CADM3: variants seen among roughly 807,000 people sequenced by gnomAD.
CADM3 encodes the protein TSLC1-like 1.
A neutral mutation model predicts 44.9 loss-of-function variants in CADM3; 11 were observed. The observed-to-expected ratio is 0.25, with a 90% confidence interval of 0.15 to 0.41. The LOEUF is 0.41. Among genes scored for constraint, CADM3 ranks in the 10% least tolerant of loss-of-function variants. The pLI is 1.00. For missense variants in CADM3, 426 were observed against 512.0 expected (o/e 0.83, Z 1.62); for synonymous variants, 207 against 205.2 (o/e 1.01, Z -0.08).
At chr1:159,193,782 A>C in intron 4 of CADM3, 88 bp from the exon 5 acceptor site, 1 of 1,547,272 alleles carries the variant, frequency 6.5e-7, no homozygotes, top group East Asian at 2.3e-5. Context: ...GTACGTCTAC[A>C]ATGAGGCCCA....
At chr1:159,194,659 A>G (rs1649817931) in intron 5 of CADM3, 1 of 152,266 alleles carries the variant, frequency 6.6e-6, no homozygotes, top group Non-Finnish European at 1.5e-5. Context: ...TTTCCCTGGC[A>G]TCATTATTCC....
chr1:159,190,849 A>G (rs1384978277), intron 1 of CADM3, among the ~76,000 whole-genome samples: 1 of 152,258 alleles, frequency 6.6e-6, no homozygotes, highest in Non-Finnish European at 1.5e-5. Context: ...ATTCAGACAT[A>G]AGCAATGTTG....
intron 1 of CADM3, among the ~76,000 whole-genome samples, chr1:159,180,081 C>G (rs1330437823): frequency 6.6e-6 from 1 of 152,146 alleles, no homozygotes; most frequent in Non-Finnish European, 1.5e-5. Context: ...GACTGAGCCT[C>G]AACCCTGGAG....
chr1:159,192,493 C>A, intron 2 of CADM3, 85 bp from the exon 3 acceptor site: 3 of 1,540,590 alleles, frequency 1.9e-6, no homozygotes, highest in Non-Finnish European at 2.7e-6. Flanking sequence ...AGACCCCTTC[C>A]CCCAAAGAAG....
In CADM3 at chr1:159,201,060, A is replaced by T; in HGVS notation, c.*138A>T. Reference sequence around the variant, plus strand: ...CAGCCCACCCACCCCCCTGTACAGAATGTCTGCTTTGGGTGCGGTTTTGTA... The same window carrying T: ...CAGCCCACCCACCCCCCTGTACAGATTGTCTGCTTTGGGTGCGGTTTTGTA... On this transcript the variant is annotated 3_prime_UTR_variant, in exon 9 of 9. Coordinates refer to ENST00000368125, the MANE Select transcript of CADM3 (RefSeq NM_001127173.3). 1 of 218,878 alleles carries T rather than the reference A, an allele frequency of 4.6e-6. No homozygotes were observed. Among genetic ancestry groups the T allele is most frequent in the Non-Finnish European group, 9.1e-6 (1 of 110,320 alleles). The allele number at this position is 218,878 out of a possible 1,614,324, so 13.6% of individuals were successfully genotyped here.
chr1:159,192,511 G>A, intron 2 of CADM3, 67 bp from the exon 3 acceptor site: 2 of 1,599,642 alleles, frequency 1.3e-6, no homozygotes, highest in Non-Finnish European at 8.6e-7. Context: ...AAGCTGGCCT[G>A]GGATTGGAAG....
At chr1:159,194,250 C>T in intron 5 of CADM3, 1 of 503,386 alleles carries the variant, frequency 2.0e-6, no homozygotes, top group South Asian at 3.3e-5. Context: ...CCCATACAGC[C>T]TCTGTGTCAA....
intron 1 of CADM3, among the ~76,000 whole-genome samples, chr1:159,184,178 C>T (rs1390757481): frequency 6.6e-6 from 1 of 152,168 alleles, no homozygotes; most frequent in Non-Finnish European, 1.5e-5. Context: ...GCATGTGATC[C>T]AACTGTACAT....
At chr1:159,184,692 C>G (rs1349208437) in intron 1 of CADM3, among the ~76,000 whole-genome samples, 1 of 152,208 alleles carries the variant, frequency 6.6e-6, no homozygotes, top group Non-Finnish European at 1.5e-5. Context: ...GTTATACTGG[C>G]AGACTTTCAT....
intron 5 of CADM3, 110 bp from the exon 6 acceptor site, chr1:159,196,249 GCACTT>G: frequency 1.4e-6 from 1 of 728,042 alleles, no homozygotes; most frequent in Non-Finnish European, 2.4e-6. Flanking sequence ...GGTCTTTGTT[GCACTT>G]CTTGAGCTGC....
chr1:159,186,394 C>T (rs992677703), intron 1 of CADM3, among the ~76,000 whole-genome samples: 1 of 152,170 alleles, frequency 6.6e-6, no homozygotes, highest in Non-Finnish European at 1.5e-5. Flanking sequence ...CCTGAGCAAC[C>T]TGGGCCTTCT....
intron 1 of CADM3, among the ~76,000 whole-genome samples, chr1:159,181,430 TATC>T (rs972934426): frequency 6.6e-5 from 10 of 152,146 alleles, no homozygotes; most frequent in African/African-American, 2.2e-4. Flanking sequence ...TCAGGGCTGT[TATC>T]ATCCTGTCTT....
intron 1 of CADM3, among the ~76,000 whole-genome samples, chr1:159,187,544 G>C (rs1369764302): frequency 6.6e-6 from 1 of 152,166 alleles, no homozygotes; most frequent in African/African-American, 2.4e-5. Context: ...AAATGAATTC[G>C]TGGTTGAAAA....
chr1:159,192,862 T>G, intron 3 of CADM3, 132 bp downstream of exon 3: 1 of 847,624 alleles, frequency 1.2e-6, no homozygotes, highest in East Asian at 2.5e-5. Context: ...TGTGTTCCCC[T>G]GGCAATGGGA....
chr1:159,179,486 C>T (rs1418880149), intron 1 of CADM3, among the ~76,000 whole-genome samples: 1 of 152,188 alleles, frequency 6.6e-6, no homozygotes, highest in Non-Finnish European at 1.5e-5. Flanking sequence ...GTAATGAAGG[C>T]TGATGTCTCA....
chr1:159,189,268 T>C (rs1045568409), intron 1 of CADM3, among the ~76,000 whole-genome samples: 2 of 152,256 alleles, frequency 1.3e-5, no homozygotes, highest in East Asian at 1.9e-4. Flanking sequence ...AATGTCCTTG[T>C]ACTTATTTTA....
chr1:159,196,276 G>A, intron 5 of CADM3, 88 bp from the exon 6 acceptor site: 2 of 957,008 alleles, frequency 2.1e-6, no homozygotes, highest in South Asian at 2.9e-5. Context: ...GAAACATTTA[G>A]AGGTAGAAGC....
chr1:159,196,141 C>G (rs1278788328), intron 5 of CADM3: 1 of 524,882 alleles, frequency 1.9e-6, no homozygotes, highest in Non-Finnish European at 3.4e-6. Context: ...CCACCAAGGA[C>G]AGACCTTCCA....
intron 7 of CADM3, 63 bp downstream of exon 7, chr1:159,197,123 T>C: frequency 6.5e-7 from 1 of 1,535,146 alleles, no homozygotes; most frequent in South Asian, 1.2e-5. Context: ...ATTCCCTTTT[T>C]TAAAATGCTT....
Sources: allele counts gnomAD v4.1 joint callset (sites outside exome capture counted in the v4.1 genomes callset), GRCh38; gene constraint gnomAD v4.1.1; transcripts MANE v1.5; gene names NCBI Gene and HGNC (gene_info 2026-07-23, HGNC 2026-07-21).